Variants in COL6A3 observed in about 807,000 individuals in gnomAD.
COL6A3 encodes the protein collagen type VI alpha 3 chain.
A neutral mutation model predicts 274.1 loss-of-function variants in COL6A3; 137 were observed. The ratio of observed to expected loss-of-function variants is 0.50; its 90% CI spans 0.44 to 0.58. The LOEUF (loss-of-function observed/expected upper bound fraction) is 0.58. Among genes scored for constraint, COL6A3 ranks in the 20% least tolerant of loss-of-function variants. COL6A3 has a pLI of 0.00. For missense variants in COL6A3, 3,950 were observed against 4,124.9 expected, an observed-to-expected ratio of 0.96 and a Z score of 1.16; for synonymous variants, 1,650 against 1,650.6, an observed-to-expected ratio of 1.00 and a Z score of 0.01.
At position 237,340,444 on chromosome 2, in the gene COL6A3, G is replaced by C; in HGVS notation, c.8464+8C>G. On this transcript the variant is annotated splice_region_variant and intron_variant, in intron 38 of 43. Coordinates refer to ENST00000295550, the MANE Select transcript of COL6A3 (RefSeq NM_004369.4). The stretch of plus-strand genomic sequence containing the variant: ...GCCAGGGCACATGCTGTGCCACGCA[G>C]GACTTACTGCTGACGAAGGATGGCA... 1.2e-6 allele frequency: 2 copies of C among 1,610,988 alleles called. No homozygotes were observed. Among genetic ancestry groups the C allele is most frequent in the South Asian group, 2.2e-5 (2 of 91,058 alleles).
chr2:237,404,442 C>T (rs990601684), intron 1 of COL6A3, among the ~76,000 whole-genome samples: 6 of 152,142 alleles, frequency 3.9e-5, no homozygotes, highest in African/African-American at 1.4e-4. Context: ...AATCCATGTT[C>T]AAGAGGCATG....
chr2:237,379,328 T>C (rs2077942475), intron 5 of COL6A3, 93 bp from the exon 6 acceptor site: 1 of 1,465,714 alleles, frequency 6.8e-7, no homozygotes, highest in African/African-American at 1.4e-5. Context: ...TGCCAACATT[T>C]AGAACACAGA....
In COL6A3 at chr2:237,353,420, G is replaced by A; in HGVS notation, c.6628-17C>T. 1 of 1,612,396 alleles carries A rather than the reference G, an allele frequency of 6.2e-7. No homozygotes were observed. The highest frequency in any genetic ancestry group is 8.5e-7 in the Non-Finnish European group (1 of 1,178,698). On this transcript the variant is annotated splice_polypyrimidine_tract_variant and intron_variant, in intron 24 of 43. Transcript: ENST00000295550. ...CTTGTTGCCCTTTGAAATAAGAGAA[G>A]ATGCAGGGAGGAGTCAGGATGGTTC...
At chr2:237,375,966 T>C (rs971794965) in intron 7 of COL6A3, among the ~76,000 whole-genome samples, 4 of 152,222 alleles carry the variant, frequency 2.6e-5, no homozygotes, top group Non-Finnish European at 5.9e-5. Context: ...TTGTTAGCTT[T>C]CAAAGATGTA....
chr2:237,393,187 A>C (rs2078336963), intron 3 of COL6A3, among the ~76,000 whole-genome samples: 1 of 152,106 alleles, frequency 6.6e-6, no homozygotes, highest in African/African-American at 2.4e-5. Context: ...CAGTTCTGGG[A>C]ACTCCTTTGA....
In COL6A3 at chr2:237,342,196, G is replaced by A. The variant is rs59232721; in HGVS notation, c.7669-35C>T. The A allele has an allele frequency of 0.084, 128,607 of 1,531,106 alleles. 5,950 individuals are homozygous for A. The highest frequency in any genetic ancestry group is 0.094 in the Non-Finnish European group (104,217 of 1,106,366). The allele number at this position is 1,531,106 out of a possible 1,614,324, so 94.8% of individuals were successfully genotyped here. A position where few individuals can be genotyped will look rare whatever the true frequency, so the allele number is the denominator to read the frequency against. On this transcript the variant is annotated intron_variant, in intron 36 of 43. Transcript: ENST00000295550. ...ACAAAAGAACAATTTTGGTAGGGGC[G>A]TACATGATCAGTAATATCTGAAAAT...
intron 24 of COL6A3, among the ~76,000 whole-genome samples, chr2:237,354,034 G>A (rs2077264127): frequency 7.0e-6 from 1 of 143,342 alleles, no homozygotes; most frequent in Admixed American, 7.0e-5. Context: ...TTTTTGAGAT[G>A]GAGTTTCACT....
At chr2:237,378,101 C>G (rs1259851254) in intron 6 of COL6A3, among the ~76,000 whole-genome samples, 2 of 152,170 alleles carry the variant, frequency 1.3e-5, no homozygotes, top group African/African-American at 4.8e-5. Context: ...CCATATCTTA[C>G]CACCATAATA....
intron 10 of COL6A3, 38 bp from the exon 11 acceptor site, chr2:237,367,324 T>C: frequency 6.3e-7 from 1 of 1,593,578 alleles, no homozygotes; most frequent in South Asian, 1.1e-5. Flanking sequence ...AGAGATTAGG[T>C]TTCCAGACCC....
intron 42 of COL6A3, among the ~76,000 whole-genome samples, chr2:237,332,047 C>T (rs1249213906): frequency 2.6e-5 from 3 of 114,530 alleles, no homozygotes; most frequent in African/African-American, 9.5e-5. Flanking sequence ...AACTCTCTCC[C>T]CCCATCTCTC....
At chr2:237,355,243 A>G in intron 23 of COL6A3, 1 of 383,830 alleles carries the variant, frequency 2.6e-6, no homozygotes, top group Non-Finnish European at 4.7e-6. Context: ...TTTTGGCTGC[A>G]CGATCCCAGC....
rs760603443 is a variant in COL6A3, at chr2:237,365,901, C to A, written c.5635G>T (p.Gly1879Cys). 1 of 1,614,150 alleles carries A rather than the reference C, an allele frequency of 6.2e-7. No homozygotes were observed. Among genetic ancestry groups the A allele is most frequent in the South Asian group, 1.1e-5 (1 of 91,062 alleles). The change falls in exon 12 of 44, where the codon GGT becomes TGT. Residue 1879 changes from glycine to cysteine, a missense_variant. This residue lies in a region of COL6A3 where 632 missense variants were observed against 623.4 expected (regional missense o/e 1.01). Transcript: ENST00000295550. The stretch of plus-strand genomic sequence containing the variant: ...ACACGCACGGTGGGCGAGCGGCCAC[C>A]GCTGCAGCTGACCCTGTGCATCTGG... ...ISQMHRVSCS[G>C]GRSPTVRVSV...
intron 40 of COL6A3, among the ~76,000 whole-genome samples, chr2:237,335,893 C>T (rs1170408592): frequency 6.6e-6 from 1 of 152,192 alleles, no homozygotes; most frequent in African/African-American, 2.4e-5. Context: ...ACTGTGCCCC[C>T]ACTGACATTC....
rs1559231590 is a variant in COL6A3 at position 237,363,395 on chromosome 2, A to G, written c.5921T>C (p.Val1974Ala). ...RASENLRQEG[V>A]RALILVGLER... ...AAGGCCCACCAGGATCAAGGCACGG[A>G]CTCCTGCAAAGAAAGACACATTTAA... The change falls in exon 14 of 44, where the codon GTC (valine) becomes GCC (alanine). Residue 1974 changes from valine to alanine, a missense_variant. Transcript: ENST00000295550. The G allele has an allele frequency of 6.2e-7, 1 of 1,614,062 alleles. No individual in the cohort carries two copies. Among genetic ancestry groups the G allele is most frequent in the Non-Finnish European group, 8.5e-7 (1 of 1,180,018 alleles).
intron 30 of COL6A3, 117 bp downstream of exon 30, chr2:237,348,232 C>T: frequency 1.1e-6 from 1 of 889,030 alleles, no homozygotes; most frequent in Non-Finnish European, 1.9e-6. Flanking sequence ...CAGGGTAGCC[C>T]AGTTAACTGA....
In COL6A3 at chr2:237,346,642, G is replaced by A. The variant is rs6761147; in HGVS notation, c.7030-77C>T. 36,747 of 1,347,684 alleles carry A rather than the reference G, an allele frequency of 0.027. 1,466 individuals are homozygous for A. The highest frequency in any genetic ancestry group is 0.18 in the African/African-American group (12,328 of 69,066). The allele number at this position is 1,347,684 out of a possible 1,614,324, so 83.5% of individuals were successfully genotyped here. A position where few individuals can be genotyped will look rare whatever the true frequency, so the allele number is the denominator to read the frequency against. Reference sequence around the variant, plus strand: ...TAAGGCTCCTATAGTTGGAAGGTACGGTAAAAGTGATCTAACCCAAGGGAC... The same window carrying A: ...TAAGGCTCCTATAGTTGGAAGGTACAGTAAAAGTGATCTAACCCAAGGGAC... On this transcript the variant is annotated intron_variant, in intron 31 of 43. Coordinates refer to ENST00000295550, the MANE Select transcript of COL6A3 (RefSeq NM_004369.4).
chr2:237,346,365 G>C (rs1439074257), intron 32 of COL6A3, 138 bp downstream of exon 32: 5 of 737,974 alleles, frequency 6.8e-6, no homozygotes, highest in Non-Finnish European at 1.2e-5. Flanking sequence ...CATGATGTCA[G>C]AGAGGCGGTT....
rs1237530811 is a variant in COL6A3 at position 237,388,035 on chromosome 2, T to C, written c.859A>G (p.Ser287Gly). 6.2e-7 allele frequency: 1 copy of C among 1,614,204 alleles called. No homozygotes were observed. The highest frequency in any genetic ancestry group is 1.7e-5 in the Admixed American group (1 of 60,016). The change falls in exon 4 of 44, where the codon AGC becomes GGC. Residue 287 changes from serine to glycine, a missense_variant. Around this residue, in one of 5 missense-constraint regions of COL6A3, gnomAD observed 1,934 missense variants for 1,984.3 expected, o/e 0.97. Coordinates refer to ENST00000295550, the MANE Select transcript of COL6A3 (RefSeq NM_004369.4). ...QQIRVGVVQF[S>G]DEPRTMFSLD... ...GAGAACATGGTTCTGGGCTCATCGC[T>C]AAACTGGACCACCCCCACTCGGATC...
At position 237,344,992 on chromosome 2, in the gene COL6A3, T is replaced by C; in HGVS notation, c.7163-40A>G. 1.2e-6 allele frequency: 2 copies of C among 1,614,198 alleles called. No individual in the cohort carries two copies. The highest frequency in any genetic ancestry group is 1.7e-6 in the Non-Finnish European group (2 of 1,180,008). On this transcript the variant is annotated intron_variant, in intron 34 of 43. Coordinates refer to ENST00000295550, the MANE Select transcript of COL6A3 (RefSeq NM_004369.4). The surrounding 1 kb of genome is among the most constrained non-coding windows in gnomAD (Gnocchi z 4.8). ...AAGAGAAGAAAGGGTGAGAGACTAC[T>C]CTACCATGTGAGAATTTCGAATGTA...
Sources: gnomAD v4.1 joint callset for allele counts (sites outside exome capture counted in the v4.1 genomes callset) on GRCh38, gnomAD v4.1.1 for gene constraint, gnomAD v4.1.1 regional missense constraint, Gnocchi (gnomAD v3.1) non-coding constraint, MANE v1.5 for transcripts, NCBI Gene and HGNC (gene_info 2026-07-23, HGNC 2026-07-21) for gene names.